USH2A: variants seen among roughly 807,000 people sequenced by gnomAD.
USH2A encodes the protein Usher syndrome 2A (autosomal recessive, mild).
USH2A carries 443 observed loss-of-function variants against 538.9 expected under a neutral mutation model. The observed-to-expected ratio is 0.82, with a 90% CI of 0.76 to 0.89. The LOEUF (loss-of-function observed/expected upper bound fraction) is 0.89. Among genes scored for constraint, USH2A ranks in the 40% least tolerant of loss-of-function variants. The probability of loss-of-function intolerance (pLI) is 0.00; values close to 1 mark genes in which losing one functional copy is unlikely to be tolerated. For missense variants in USH2A, 6,633 were observed against 6,324.8 expected (o/e 1.05, Z -1.65); for synonymous variants, 2,413 against 2,273.5 (o/e 1.06, Z -1.75).
chr1:216,304,766 T>C (rs967244197), intron 9 of USH2A, among the ~76,000 whole-genome samples: 5 of 152,058 alleles, frequency 3.3e-5, no homozygotes, highest in African/African-American at 9.7e-5. Flanking sequence ...CTTGATTTCA[T>C]TGTTGACCCA....
chr1:216,084,303 C>T (rs2032050126), intron 25 of USH2A, among the ~76,000 whole-genome samples: 1 of 152,086 alleles, frequency 6.6e-6, no homozygotes, highest in South Asian at 2.1e-4. Flanking sequence ...CATTGTTCTT[C>T]TATATAATGA....
intron 9 of USH2A, among the ~76,000 whole-genome samples, chr1:216,314,365 A>G (rs1472174921): frequency 1.3e-5 from 2 of 152,168 alleles, no homozygotes; most frequent in Admixed American, 1.3e-4. Flanking sequence ...CTAAACATAT[A>G]TCAAATGTAG....
chr1:216,316,372 A>C (rs1465354095), intron 9 of USH2A, among the ~76,000 whole-genome samples: 1 of 152,178 alleles, frequency 6.6e-6, no homozygotes, highest in East Asian at 1.9e-4. Flanking sequence ...TACTCAGAAT[A>C]ATTAAAAATG....
intron 30 of USH2A, among the ~76,000 whole-genome samples, chr1:216,050,073 G>T (rs1302039819): frequency 6.6e-6 from 1 of 152,160 alleles, no homozygotes; most frequent in East Asian, 1.9e-4. Context: ...GTCATTTCCT[G>T]TTAAATCTCC....
At chr1:216,201,760 G>A in intron 16 of USH2A, 1 of 229,348 alleles carries the variant, frequency 4.4e-6, no homozygotes, top group Non-Finnish European at 9.8e-6. Context: ...ATAGAGCCGA[G>A]GAAGGTGAGA....
At chr1:215,818,190 G>A (rs1662912725) in intron 47 of USH2A, among the ~76,000 whole-genome samples, 1 of 151,860 alleles carries the variant, frequency 6.6e-6, no homozygotes, top group Non-Finnish European at 1.5e-5. Context: ...ACAGTCAAAA[G>A]TTATATGCAG....
intron 9 of USH2A, among the ~76,000 whole-genome samples, chr1:216,311,447 C>A (rs142952387): frequency 7.9e-5 from 12 of 152,314 alleles, no homozygotes; most frequent in Non-Finnish European, 1.5e-4. Flanking sequence ...TTCTTACCAT[C>A]CACTTGGTGT....
At chr1:216,365,204 G>A (rs577748367) in intron 3 of USH2A, 119 bp from the exon 4 acceptor site, 1 of 1,176,274 alleles carries the variant, frequency 8.5e-7, no homozygotes, top group African/African-American at 1.6e-5. Context: ...CAGCTGGGAA[G>A]ACTGAAAACA....
At chr1:215,636,666 G>A (rs553655806) in intron 69 of USH2A, among the ~76,000 whole-genome samples, 2 of 152,248 alleles carry the variant, frequency 1.3e-5, no homozygotes, top group South Asian at 2.1e-4. Context: ...CAGCCTGCCC[G>A]AGGGAAGCCT....
intron 37 of USH2A, among the ~76,000 whole-genome samples, chr1:215,940,967 G>T (rs905821835): frequency 2.7e-5 from 4 of 148,832 alleles, no homozygotes; most frequent in Non-Finnish European, 4.4e-5. Context: ...TTTATGTTTT[G>T]TTCTCTAGAT....
intron 49 of USH2A, among the ~76,000 whole-genome samples, chr1:215,813,409 C>T (rs1662758893): frequency 6.6e-6 from 1 of 151,928 alleles, no homozygotes; most frequent in Non-Finnish European, 1.5e-5. Flanking sequence ...GAACAGTCAG[C>T]AATTCACATA....
Position 215,728,079 on chromosome 1 carries a change from G to A in USH2A, c.12017C>T (p.Pro4006Leu). The change falls in exon 61 of 72, where the codon CCC (proline) becomes CTC (leucine). Residue 4006 changes from proline to leucine, a missense_variant. By Grantham distance (98) the Pro-to-Leu change is moderately conservative. Coordinates refer to ENST00000307340, the MANE Select transcript of USH2A (RefSeq NM_206933.4). ...SHYRVVYQER[P>L]DDPTFNSPTV... ...AGGGCTGTTAAATGTAGGATCGTCGGGTCTCTCCTGGTAGACCACACGGTA... is the reference window on the plus strand; with the variant it reads ...AGGGCTGTTAAATGTAGGATCGTCGAGTCTCTCCTGGTAGACCACACGGTA... 1 of 1,614,150 alleles carries A rather than the reference G, an allele frequency of 6.2e-7. No individual in the cohort carries two copies. Among genetic ancestry groups the A allele is most frequent in the Non-Finnish European group, 8.5e-7 (1 of 1,180,040 alleles).
chr1:215,745,224 A>T (rs2797225), intron 58 of USH2A, among the ~76,000 whole-genome samples: 62,144 of 152,036 alleles, frequency 0.41, 12,895 homozygotes, highest in Admixed American at 0.47. Flanking sequence ...TTATCAATTA[A>T]TTCTTTGAGA....
intron 34 of USH2A, among the ~76,000 whole-genome samples, chr1:215,994,302 T>C (rs1992099): frequency 0.13 from 19,674 of 152,132 alleles, 1,359 homozygotes; most frequent in Middle Eastern, 0.2. Flanking sequence ...TTTTTCAGTT[T>C]GATACTGAGT....
At chr1:216,419,769 A>G (rs902920914) in intron 2 of USH2A, among the ~76,000 whole-genome samples, 5 of 152,154 alleles carry the variant, frequency 3.3e-5, no homozygotes, top group Non-Finnish European at 5.9e-5. Flanking sequence ...AATTGAGCCA[A>G]TCAAGAATTA....
chr1:215,799,090 C>CT lies in USH2A; in HGVS notation c.9774_9775insA (p.Val3259SerfsTer7). On this transcript the variant is annotated frameshift_variant, in exon 50 of 72. Coordinates refer to ENST00000307340, the MANE Select transcript of USH2A (RefSeq NM_206933.4). LOFTEE classifies it high-confidence loss of function. Reference sequence around the variant, plus strand: ...CAGGAATCACCAATGCCAACAGAAACCCGATTGTGCTGTTCATCTGGACAG... The same window carrying CT: ...CAGGAATCACCAATGCCAACAGAAACTCCGATTGTGCTGTTCATCTGGACAG... 6.2e-7 allele frequency: 1 copy of CT among 1,613,990 alleles called. No homozygotes were observed. Among genetic ancestry groups the CT allele is most frequent in the Non-Finnish European group, 8.5e-7 (1 of 1,179,972 alleles).
intron 13 of USH2A, among the ~76,000 whole-genome samples, chr1:216,244,945 A>C (rs1227392518): frequency 6.6e-6 from 1 of 152,196 alleles, no homozygotes; most frequent in African/African-American, 2.4e-5. Context: ...TTGATCTATT[A>C]GCTTGTTTTG....
intron 49 of USH2A, among the ~76,000 whole-genome samples, chr1:215,802,960 G>A (rs1218721714): frequency 2.6e-5 from 4 of 151,874 alleles, no homozygotes; most frequent in Admixed American, 6.6e-5. Flanking sequence ...TGACACGTAC[G>A]ACAACATGAA....
chr1:215,964,854 A>G (rs1177104223), intron 37 of USH2A, among the ~76,000 whole-genome samples: 1 of 152,208 alleles, frequency 6.6e-6, no homozygotes, highest in Non-Finnish European at 1.5e-5. Flanking sequence ...CAGCAGAATT[A>G]CTAAGATAGT....
Sources: gnomAD v4.1 joint callset for allele counts (sites outside exome capture counted in the v4.1 genomes callset) on GRCh38, gnomAD v4.1.1 for gene constraint, MANE v1.5 for transcripts, NCBI Gene and HGNC (gene_info 2026-07-23, HGNC 2026-07-21) for gene names.